GBE1: variants seen among roughly 807,000 people sequenced by gnomAD.
The protein encoded by GBE1 is 1,4-alpha-glucan branching enzyme 1, also known as 1,4-alpha-glucan-branching enzyme.
Under a neutral mutation model 88.8 loss-of-function variants are expected in GBE1, and 70 were observed. The observed-to-expected ratio is 0.79, with a 90% CI of 0.65 to 0.96. The LOEUF (loss-of-function observed/expected upper bound fraction) is 0.96. Ranked by LOEUF, GBE1 falls within the 40% of genes least tolerant of loss-of-function variation. The pLI, the probability that GBE1 is intolerant of heterozygous loss-of-function variation, is 0.00. For synonymous variants in GBE1, 284 were observed against 300.1 expected, an observed-to-expected ratio of 0.95 and a Z score of 0.56; for missense variants, 872 against 871.0, an observed-to-expected ratio of 1.00 and a Z score of -0.01.
chr3:81,715,852 T>A (rs1044911404), intron 1 of GBE1, among the ~76,000 whole-genome samples: 1 of 152,086 alleles, frequency 6.6e-6, no homozygotes, highest in Non-Finnish European at 1.5e-5. Flanking sequence ...TTAAAAAAAA[T>A]AAGAAATGAA....
chr3:81,531,628 G>A (rs1703012482), intron 14 of GBE1, among the ~76,000 whole-genome samples: 1 of 151,382 alleles, frequency 6.6e-6, no homozygotes, highest in Non-Finnish European at 1.5e-5. Flanking sequence ...TCTTCTGAGA[G>A]CTGGAGCCTG....
At chr3:81,621,619 G>A (rs533213340) in intron 7 of GBE1, among the ~76,000 whole-genome samples, 3 of 151,950 alleles carry the variant, frequency 2.0e-5, no homozygotes, top group African/African-American at 2.4e-5. Flanking sequence ...ATCCTTCTTC[G>A]GCTGTCCTGT....
chr3:81,637,363 A>G (rs187768629), intron 7 of GBE1, among the ~76,000 whole-genome samples: 40 of 152,308 alleles, frequency 2.6e-4, no homozygotes, highest in African/African-American at 7.9e-4. Context: ...CTAAAGTACT[A>G]TGAGTAACTG....
At chr3:81,660,613 C>A (rs1342158724) in intron 3 of GBE1, among the ~76,000 whole-genome samples, 1 of 151,952 alleles carries the variant, frequency 6.6e-6, no homozygotes, top group Non-Finnish European at 1.5e-5. Flanking sequence ...ATTATATGTT[C>A]ATGAGAACAT....
chr3:81,737,999 A>T (rs6795901), intron 1 of GBE1, among the ~76,000 whole-genome samples: 2,125 of 151,654 alleles, frequency 0.014, 93 homozygotes, highest in Admixed American at 0.069. Flanking sequence ...GAGAATATGC[A>T]GTGTTTGGTT....
chr3:81,493,418 C>A lies in GBE1; in HGVS notation c.2053-2955G>T, dbSNP rs926321114. On this transcript the variant is annotated intron_variant, in intron 15 of 15. Coordinates refer to ENST00000429644, the MANE Select transcript of GBE1 (RefSeq NM_000158.4). ...GTGATATCTACTGTTTCATTCATAA[C>A]CTCATTATTTCATTAATGAAATATA... Among the ~76,000 whole-genome samples, 5 of 152,120 alleles carry A rather than the reference C, an allele frequency of 3.3e-5. No homozygotes were observed. The South Asian group carries it at 6.2e-4, about 19-fold the overall frequency.
At chr3:81,597,503 A>C (rs1425143803) in intron 7 of GBE1, among the ~76,000 whole-genome samples, 1 of 146,292 alleles carries the variant, frequency 6.8e-6, no homozygotes, top group Non-Finnish European at 1.5e-5. Context: ...ATATATATAT[A>C]TATCTCATTG....
At chr3:81,706,342 C>T (rs1705775117) in intron 1 of GBE1, among the ~76,000 whole-genome samples, 2 of 152,182 alleles carry the variant, frequency 1.3e-5, no homozygotes, top group African/African-American at 4.8e-5. Flanking sequence ...CAAAGAACAG[C>T]ACATGCCTGC....
At chr3:81,741,813 TAG>T (rs1157785302) in intron 1 of GBE1, among the ~76,000 whole-genome samples, 33 of 148,070 alleles carry the variant, frequency 2.2e-4, no homozygotes, top group Admixed American at 2.0e-4. Flanking sequence ...CTACATAATA[TAG>T]AGTATTATAC....
At chr3:81,755,343 A>G (rs1706587734) in intron 1 of GBE1, among the ~76,000 whole-genome samples, 1 of 152,194 alleles carries the variant, frequency 6.6e-6, no homozygotes, top group South Asian at 2.1e-4. Flanking sequence ...ATGTGCAGAA[A>G]GGGAACACTC....
rs146775458 is a variant in GBE1 at position 81,652,212 on chromosome 3, T to C, written c.430-2291A>G. Among the ~76,000 whole-genome samples, 111 of 152,342 alleles carry C rather than the reference T, an allele frequency of 7.3e-4. No individual in the cohort carries two copies. In the Middle Eastern group the frequency reaches 0.017, roughly 23 times the overall value. ...GTGAGCAGCAGCCATCTGGGTCATA[T>C]AGTGTCACCCCTATGGGGCTTGGAG... On this transcript the variant is annotated intron_variant, in intron 3 of 15. Coordinates refer to ENST00000429644, the MANE Select transcript of GBE1 (RefSeq NM_000158.4).
intron 12 of GBE1, among the ~76,000 whole-genome samples, chr3:81,543,025 CATTT>C (rs1008989265): frequency 6.6e-6 from 1 of 151,882 alleles, no homozygotes; most frequent in African/African-American, 2.4e-5. Flanking sequence ...ACTTTTATTT[CATTT>C]ATCTTTTTAA....
chr3:81,493,529 A>ATT (rs200270254), intron 15 of GBE1, among the ~76,000 whole-genome samples: 3 of 144,160 alleles, frequency 2.1e-5, no homozygotes, highest in Non-Finnish European at 3.1e-5. Context: ...GCTTGTCTAA[A>ATT]TTTTTTTTTT....
Position 81,591,069 on chromosome 3 carries a change from T to A in GBE1, c.1204A>T (p.Thr402Ser). Reference sequence around the variant, plus strand: ...ATTGTTATAGAATCGGGACACAGCGTGTGAACCAAATGATTTGCCAACATG... The same window carrying A: ...ATTGTTATAGAATCGGGACACAGCGAGTGAACCAAATGATTTGCCAACATG... Reference protein sequence around the residue: ...YLMLANHLVHTLCPDSITIAE... With the variant: ...YLMLANHLVHSLCPDSITIAE... The change falls in exon 9 of 16, where the codon ACG becomes TCG. Residue 402 changes from threonine to serine, a missense_variant. Thr to Ser is a moderately conservative substitution (Grantham distance 58). Coordinates refer to ENST00000429644, the MANE Select transcript of GBE1 (RefSeq NM_000158.4). 6.2e-7 allele frequency: 1 copy of A among 1,610,542 alleles called. No homozygotes were observed. The highest frequency in any genetic ancestry group is 8.5e-7 in the Non-Finnish European group (1 of 1,178,100).
intron 1 of GBE1, among the ~76,000 whole-genome samples, chr3:81,712,684 A>G (rs1314794059): frequency 6.6e-6 from 1 of 152,170 alleles, no homozygotes; most frequent in African/African-American, 2.4e-5. Context: ...GCATTAGGAA[A>G]TATACCTAAT....
At chr3:81,609,533 A>G (rs1432148163) in intron 7 of GBE1, among the ~76,000 whole-genome samples, 1 of 152,030 alleles carries the variant, frequency 6.6e-6, no homozygotes, top group East Asian at 1.9e-4. Context: ...TTATTTTCTA[A>G]TGTTTGCTCC....
chr3:81,632,098 G>T (rs528305766), intron 7 of GBE1, among the ~76,000 whole-genome samples: 1 of 152,084 alleles, frequency 6.6e-6, no homozygotes, highest in East Asian at 1.9e-4. Context: ...TGAGAATGAC[G>T]GTTTCCAGCT....
intron 12 of GBE1, among the ~76,000 whole-genome samples, chr3:81,548,517 T>A (rs745914059): frequency 6.6e-6 from 1 of 151,312 alleles, no homozygotes; most frequent in Non-Finnish European, 1.5e-5. Flanking sequence ...TAGGACTTAG[T>A]GTATGTTATT....
intron 3 of GBE1, among the ~76,000 whole-genome samples, chr3:81,654,289 A>G (rs763302733): frequency 1.3e-5 from 2 of 152,098 alleles, no homozygotes; most frequent in Non-Finnish European, 2.9e-5. Flanking sequence ...TCAAATACAC[A>G]ATATAAAAAA....
Sources: allele counts gnomAD v4.1 joint callset (sites outside exome capture counted in the v4.1 genomes callset), GRCh38; gene constraint gnomAD v4.1.1; transcripts MANE v1.5; gene names NCBI Gene and HGNC (gene_info 2026-07-23, HGNC 2026-07-21).